The following NKD1 variants were observed in gnomAD, a reference collection of about 807,000 sequenced individuals.
NKD1 encodes the protein protein naked cuticle homolog 1.
Under a neutral mutation model 56.0 loss-of-function variants are expected in NKD1, and 21 were observed. That is an observed-to-expected ratio of 0.38 (90% confidence interval 0.27 to 0.54). The LOEUF (loss-of-function observed/expected upper bound fraction) is 0.54, where lower values mean the gene tolerates loss of function less well. NKD1 is among the 20% of genes least tolerant of loss of function. The pLI is 0.82. For missense variants in NKD1, 578 were observed against 642.7 expected (o/e 0.90, Z 1.09); for synonymous variants, 263 against 265.7 (o/e 0.99, Z 0.10).
chr16:50,610,678 G>A (rs1161734525), intron 4 of NKD1, among the ~76,000 whole-genome samples: 12 of 152,224 alleles, frequency 7.9e-5, no homozygotes, highest in South Asian at 4.1e-4. Flanking sequence ...CATCTGAGGC[G>A]TGAAGATAAA....
intron 8 of NKD1, among the ~76,000 whole-genome samples, chr16:50,631,622 A>G (rs1041085745): frequency 1.3e-5 from 2 of 152,146 alleles, no homozygotes; most frequent in Non-Finnish European, 1.5e-5. Flanking sequence ...ATCCTGGGGG[A>G]AGGTGGTACT....
At chr16:50,571,121 C>T in intron 3 of NKD1, 1 of 454,700 alleles carries the variant, frequency 2.2e-6, no homozygotes, top group Non-Finnish European at 2.9e-6. Context: ...CTGCCCATGG[C>T]CTGCTCAACA....
intron 4 of NKD1, among the ~76,000 whole-genome samples, chr16:50,615,082 T>A (rs781190597): frequency 6.6e-6 from 1 of 152,050 alleles, no homozygotes; most frequent in Non-Finnish European, 1.5e-5. Context: ...GAGTGGGGGA[T>A]GAGTAGCTCT....
chr16:50,587,106 G>T (rs544507917), intron 3 of NKD1, among the ~76,000 whole-genome samples: 86 of 152,290 alleles, frequency 5.6e-4, no homozygotes, highest in African/African-American at 2.0e-3. Context: ...GGCTTGGTAC[G>T]TGCTAGGTAT....
chr16:50,592,485 T>A (rs1961389223), intron 3 of NKD1, among the ~76,000 whole-genome samples: 1 of 152,124 alleles, frequency 6.6e-6, no homozygotes, highest in African/African-American at 2.4e-5. Context: ...GGTGTCCTTT[T>A]TTGTCTGCTA....
In NKD1 at chr16:50,649,248, T is replaced by C. The variant is rs761304962; in HGVS notation, c.*15467T>C. ...TTTCAAAATAAAAAAATTTTAAAAATAGTGGCGTTGCTCAGATCTCAGTGC... is the reference window on the plus strand; with the variant it reads ...TTTCAAAATAAAAAAATTTTAAAAACAGTGGCGTTGCTCAGATCTCAGTGC... On this transcript the variant is annotated 3_prime_UTR_variant, in exon 10 of 10. Transcript: ENST00000268459. 4 of 152,206 alleles carry C rather than the reference T, an allele frequency of 2.6e-5. No homozygotes were observed. The highest frequency in any genetic ancestry group is 5.9e-5 in the Non-Finnish European group (4 of 68,028). 9.4% of individuals were successfully genotyped at this position (152,206 alleles called of 1,614,324 possible). A position where few individuals can be genotyped will look rare whatever the true frequency, so the allele number is the denominator to read the frequency against.
At chr16:50,583,857 A>G (rs1961171088) in intron 3 of NKD1, among the ~76,000 whole-genome samples, 1 of 152,230 alleles carries the variant, frequency 6.6e-6, no homozygotes, top group Non-Finnish European at 1.5e-5. Flanking sequence ...ATTGTCAAGA[A>G]TTCTAAAATT....
rs537317000 is a variant in NKD1, at chr16:50,634,436, C to T, written c.*655C>T. 7 of 152,518 alleles carry T rather than the reference C, an allele frequency of 4.6e-5. No individual in the cohort carries two copies. The East Asian group carries it at 1.3e-3, about 29-fold the overall frequency. 9.4% of individuals were successfully genotyped at this position (152,518 alleles called of 1,614,324 possible). On this transcript the variant is annotated 3_prime_UTR_variant, in exon 10 of 10. Transcript: ENST00000268459. The stretch of plus-strand genomic sequence containing the variant: ...CTGCCATGCACGACATGAAAATCCA[C>T]TTCTCTTCCTTCTCCTTCTTCTCTC...
At chr16:50,618,832 G>A (rs1263006055) in intron 4 of NKD1, among the ~76,000 whole-genome samples, 2 of 152,124 alleles carry the variant, frequency 1.3e-5, no homozygotes, top group African/African-American at 2.4e-5. Flanking sequence ...AGGACAATCC[G>A]GGCCACACTG....
intron 3 of NKD1, among the ~76,000 whole-genome samples, chr16:50,602,369 C>T (rs570477922): frequency 2.2e-4 from 33 of 152,176 alleles, no homozygotes; most frequent in Non-Finnish European, 2.4e-4. Flanking sequence ...CTTGTCTGGC[C>T]TCCCTATTCT....
intron 3 of NKD1, among the ~76,000 whole-genome samples, chr16:50,562,919 G>A (rs1251153719): frequency 2.0e-5 from 3 of 149,540 alleles, no homozygotes; most frequent in Non-Finnish European, 4.4e-5. Context: ...CTTGCAAGCG[G>A]ATTTAGAGCT....
At chr16:50,574,616 CG>C in intron 3 of NKD1, 1 of 985,342 alleles carries the variant, frequency 1.0e-6, no homozygotes, top group Non-Finnish European at 1.2e-6. Flanking sequence ...TGGCCTCCAG[CG>C]GGCAGGAGGA....
At chr16:50,585,044 G>C (rs1961198100) in intron 3 of NKD1, among the ~76,000 whole-genome samples, 1 of 152,224 alleles carries the variant, frequency 6.6e-6, no homozygotes, top group Non-Finnish European at 1.5e-5. Context: ...AGTGCTGCCA[G>C]ATTTGGGGTA....
At chr16:50,550,660 C>G (rs994099041) in intron 3 of NKD1, among the ~76,000 whole-genome samples, 1 of 152,116 alleles carries the variant, frequency 6.6e-6, no homozygotes, top group Admixed American at 6.6e-5. Flanking sequence ...CTTGGAGCTG[C>G]TGTCCCCTAG....
At chr16:50,622,984 TGTG>T (rs1434976312) in intron 5 of NKD1, among the ~76,000 whole-genome samples, 2 of 151,740 alleles carry the variant, frequency 1.3e-5, no homozygotes, top group African/African-American at 4.8e-5. Flanking sequence ...GAACAGCGGC[TGTG>T]GATAGAGACT....
intron 4 of NKD1, among the ~76,000 whole-genome samples, chr16:50,616,523 T>A (rs973064036): frequency 1.3e-5 from 2 of 152,236 alleles, no homozygotes; most frequent in African/African-American, 4.8e-5. Context: ...CCAAGCTTCC[T>A]TATGCCTACC....
intron 3 of NKD1, among the ~76,000 whole-genome samples, chr16:50,561,992 G>A (rs1960644023): frequency 6.6e-6 from 1 of 152,164 alleles, no homozygotes. Context: ...GTGAGACTTG[G>A]GTGGCTCACG....
chr16:50,583,584 T>G (rs1044318601), intron 3 of NKD1, among the ~76,000 whole-genome samples: 2 of 152,102 alleles, frequency 1.3e-5, no homozygotes, highest in African/African-American at 4.8e-5. Flanking sequence ...TCAGGAAAGA[T>G]AGTAAAATGA....
intron 6 of NKD1, among the ~76,000 whole-genome samples, chr16:50,628,968 T>TA (rs1201184130): frequency 6.6e-5 from 10 of 151,056 alleles, no homozygotes; most frequent in East Asian, 1.9e-4. Context: ...TTTTTTTTTT[T>TA]TTTTATTTTA....
Sources: allele counts gnomAD v4.1 joint callset (sites outside exome capture counted in the v4.1 genomes callset), GRCh38; gene constraint gnomAD v4.1.1; transcripts MANE v1.5; gene names NCBI Gene and HGNC (gene_info 2026-07-23, HGNC 2026-07-21).